TRIO: variants seen among roughly 807,000 people sequenced by gnomAD.
The protein encoded by TRIO is trio Rho guanine nucleotide exchange factor, also known as triple functional domain protein.
TRIO carries 58 observed loss-of-function variants against 351.9 expected under a neutral mutation model. The ratio of observed to expected loss-of-function variants is 0.16; its 90% CI spans 0.13 to 0.21. The LOEUF (loss-of-function observed/expected upper bound fraction) is 0.21. Ranked by LOEUF, TRIO falls within the 10% of genes least tolerant of loss-of-function variation. The pLI is 1.00. For synonymous variants in TRIO, 1,758 were observed against 1,595.7 expected (o/e 1.10, Z -2.42); for missense variants, 3,201 against 4,027.8 (o/e 0.79, Z 5.56).
At chr5:14,306,693 C>G (rs1200172966) in intron 8 of TRIO, among the ~76,000 whole-genome samples, 1 of 152,190 alleles carries the variant, frequency 6.6e-6, no homozygotes, top group South Asian at 2.1e-4. Flanking sequence ...CCTGGGAATA[C>G]AGTCTTTGTG....
chr5:14,358,118 G>A, intron 11 of TRIO, 60 bp from the exon 12 acceptor site: 2 of 1,550,066 alleles, frequency 1.3e-6, no homozygotes, highest in Non-Finnish European at 8.7e-7. Context: ...TGGACACCGG[G>A]CGGCCCACCT....
chr5:14,292,872 A>G, intron 5 of TRIO, 140 bp from the exon 6 acceptor site: 1 of 1,197,628 alleles, frequency 8.3e-7, no homozygotes, highest in Non-Finnish European at 1.2e-6. Flanking sequence ...CGAAGTAAAG[A>G]CTCTTCTGAG....
intron 1 of TRIO, among the ~76,000 whole-genome samples, chr5:14,225,770 T>A (rs1792953245): frequency 7.3e-6 from 1 of 136,320 alleles, no homozygotes; most frequent in Non-Finnish European, 1.5e-5. Flanking sequence ...AGGCATGCTA[T>A]CCCATCATAT....
chr5:14,187,189 A>G (rs1174067994), intron 1 of TRIO, among the ~76,000 whole-genome samples: 3 of 152,192 alleles, frequency 2.0e-5, no homozygotes, highest in East Asian at 1.9e-4. Context: ...CAAAAAGTTG[A>G]TAAGTACTAA....
intron 33 of TRIO, among the ~76,000 whole-genome samples, chr5:14,416,776 T>A (rs1467104520): frequency 6.6e-6 from 1 of 152,144 alleles, no homozygotes; most frequent in East Asian, 1.9e-4. Flanking sequence ...CCCATGGCTT[T>A]GAGCCGTCTG....
At chr5:14,328,860 TCCACCC>T (rs1740648069) in intron 9 of TRIO, among the ~76,000 whole-genome samples, 1 of 152,222 alleles carries the variant, frequency 6.6e-6, no homozygotes, top group East Asian at 1.9e-4. Context: ...AGGCTCGGCC[TCCACCC>T]CCACCCCACA....
chr5:14,286,862 TC>T lies in TRIO; in HGVS notation c.348-8del. On this transcript the variant is annotated splice_region_variant and splice_polypyrimidine_tract_variant and intron_variant, in intron 3 of 56. Transcript: ENST00000344204. The surrounding 1 kb of genome is among the most constrained non-coding windows in gnomAD (Gnocchi z 4.4). ...AACCCGTCTTCAGCCATGTTTTCTTTCTCTGCAGCGAGGAGGTCTGCAAGCG... is the reference window on the plus strand; with the variant it reads ...AACCCGTCTTCAGCCATGTTTTCTTTTCTGCAGCGAGGAGGTCTGCAAGCG... 2 of 1,609,522 alleles carry T rather than the reference TC, an allele frequency of 1.2e-6. No homozygotes were observed. The highest frequency in any genetic ancestry group is 4.5e-5 in the East Asian group (2 of 44,802).
Position 14,227,516 on chromosome 5 carries a change from G to A in TRIO, c.158-43309G>A, listed in dbSNP as rs150264727. On this transcript the variant is annotated intron_variant, in intron 1 of 56. Transcript: ENST00000344204. The stretch of plus-strand genomic sequence containing the variant: ...TTTTTTATTTAATGCAGTCTGCTGG[G>A]GAGTACTTTCTTAGTTATCTATTGT... 1.7e-4 allele frequency among the ~76,000 whole-genome samples: 26 copies of A among 152,272 alleles called. No individual in the cohort carries two copies. In the East Asian group the frequency reaches 4.8e-3, roughly 28 times the overall value.
At chr5:14,240,044 C>T (rs1358536560) in intron 1 of TRIO, among the ~76,000 whole-genome samples, 1 of 152,192 alleles carries the variant, frequency 6.6e-6, no homozygotes, top group Non-Finnish European at 1.5e-5. Flanking sequence ...GCGGTTCTTT[C>T]CTAAATTAGC....
chr5:14,143,943 C>T (rs968456772), intron 1 of TRIO, 61 bp downstream of exon 1: 8 of 1,022,994 alleles, frequency 7.8e-6, no homozygotes, highest in African/African-American at 1.7e-5. Context: ...GCCGACCCGC[C>T]GCGGAGCTGC....
chr5:14,408,590 C>G (rs1748919313), intron 33 of TRIO, among the ~76,000 whole-genome samples: 1 of 152,056 alleles, frequency 6.6e-6, no homozygotes. Context: ...AAAGTTTGAG[C>G]TTGGAAACAC....
At chr5:14,472,717 T>C (rs1490394114) in intron 39 of TRIO, 59 bp downstream of exon 39, 2 of 1,585,354 alleles carry the variant, frequency 1.3e-6, no homozygotes, top group Non-Finnish European at 1.7e-6. Context: ...TCAAAAGTAG[T>C]ATCGTTTTAG....
chr5:14,384,424 C>T (rs1746370069), intron 21 of TRIO, among the ~76,000 whole-genome samples: 1 of 152,110 alleles, frequency 6.6e-6, no homozygotes, highest in African/African-American at 2.4e-5. Context: ...TCGATTATGC[C>T]TACAGATGAA....
intron 1 of TRIO, among the ~76,000 whole-genome samples, chr5:14,225,130 G>T (rs932287052): frequency 3.3e-5 from 5 of 152,102 alleles, no homozygotes; most frequent in Non-Finnish European, 7.4e-5. Flanking sequence ...TATCTGAATC[G>T]TAGAGAATCA....
rs982795600 is a variant in TRIO at position 14,482,684 on chromosome 5, C to T, written c.6568C>T (p.Leu2190Phe). The change falls in exon 46 of 57, where the codon CTC becomes TTC. Residue 2190 changes from leucine (L) to phenylalanine (F), a missense_variant. By Grantham distance (22) the Leu-to-Phe change is conservative (BLOSUM62 0). Transcript: ENST00000344204. The stretch of plus-strand genomic sequence containing the variant: ...TCGCTGCAGAGAGAGGCGCATCTTC[C>T]TCTTTGAGCAGATCGTCATATTCAG... The part of the protein sequence containing the change: ...LPRCRERRIF[L>F]FEQIVIFSEP... The T allele has an allele frequency of 6.2e-7, 1 of 1,611,732 alleles. No individual in the cohort carries two copies. Among genetic ancestry groups the T allele is most frequent in the African/African-American group, 1.3e-5 (1 of 74,854 alleles).
Position 14,497,959 on chromosome 5 carries a change from G to C in TRIO, c.8047+85G>C. The C allele has an allele frequency of 2.5e-6, 4 of 1,610,740 alleles. 1 individual carries two copies. The highest frequency in any genetic ancestry group is 8.5e-7 in the Non-Finnish European group (1 of 1,177,184). On this transcript the variant is annotated intron_variant, in intron 51 of 56. Coordinates refer to ENST00000344204, the MANE Select transcript of TRIO (RefSeq NM_007118.4). This position sits in a 1 kb window ranked among gnomAD's most constrained non-coding sequence, Gnocchi z 4.4. ...TCAGAGCACTTGAGTGTGGCCTCTGGAAATGAGTTTTCCGTGGCGCTCTAG... is the reference window on the plus strand; with the variant it reads ...TCAGAGCACTTGAGTGTGGCCTCTGCAAATGAGTTTTCCGTGGCGCTCTAG...
chr5:14,394,050 C>T lies in TRIO; in HGVS notation c.4231C>T (p.Arg1411Ter). 1 of 1,612,230 alleles carries T rather than the reference C, an allele frequency of 6.2e-7. No homozygotes were observed. The highest frequency in any genetic ancestry group is 8.5e-7 in the Non-Finnish European group (1 of 1,178,970). Residue 1411 changes from arginine to a stop codon, truncating the protein, a stop_gained, in exon 28 of 57, where the codon CGA becomes TGA. Coordinates refer to ENST00000344204, the MANE Select transcript of TRIO (RefSeq NM_007118.4). LOFTEE classifies it high-confidence loss of function. ...GGTTTTAATACAGGAGATACAGCAGCGACATGGATTAGCCAATTCCATTTC... is the reference window on the plus strand; with the variant it reads ...GGTTTTAATACAGGAGATACAGCAGTGACATGGATTAGCCAATTCCATTTC... ...AGSYFDEIQQ[R>*]HGLANSISSY...
chr5:14,331,145 G>C (rs149706596), intron 10 of TRIO, among the ~76,000 whole-genome samples: 112 of 152,310 alleles, frequency 7.4e-4, no homozygotes, highest in Non-Finnish European at 1.3e-3. Flanking sequence ...TTTTTGTCTT[G>C]TTTATTATAC....
chr5:14,391,267 TTCAG>T (rs1207541763), intron 27 of TRIO, among the ~76,000 whole-genome samples: 3 of 152,242 alleles, frequency 2.0e-5, no homozygotes, highest in Non-Finnish European at 1.5e-5. Flanking sequence ...ATTATTTATA[TTCAG>T]TCATTTATAA....
Sources: allele counts gnomAD v4.1 joint callset (sites outside exome capture counted in the v4.1 genomes callset), GRCh38; gene constraint gnomAD v4.1.1; non-coding constraint Gnocchi (gnomAD v3.1); transcripts MANE v1.5; gene names NCBI Gene and HGNC (gene_info 2026-07-23, HGNC 2026-07-21).